Variants in PCDHGB3 observed in about 807,000 individuals in gnomAD.
The protein encoded by PCDHGB3 is protocadherin gamma-B3.
Under a neutral mutation model 59.2 loss-of-function variants are expected in PCDHGB3, and 40 were observed. The observed-to-expected ratio is 0.68, with a 90% CI of 0.52 to 0.88. The LOEUF (loss-of-function observed/expected upper bound fraction) is 0.88. Among genes scored for constraint, PCDHGB3 ranks in the 40% least tolerant of loss-of-function variants. The pLI is 0.00. For synonymous variants in PCDHGB3, 581 were observed against 503.6 expected, an observed-to-expected ratio of 1.15 and a Z score of -2.06; for missense variants, 1,309 against 1,187.9, an observed-to-expected ratio of 1.10 and a Z score of -1.50.
chr5:141,438,358 G>A (rs1160913890), intron 1 of PCDHGB3, among the ~76,000 whole-genome samples: 1 of 151,634 alleles, frequency 6.6e-6, no homozygotes. Context: ...TCTGTGTATT[G>A]TCATTGAGGG....
At chr5:141,399,808 C>A in intron 1 of PCDHGB3, 1 of 1,613,208 alleles carries the variant, frequency 6.2e-7, no homozygotes, top group Non-Finnish European at 8.5e-7. Flanking sequence ...GGTGCTGTAC[C>A]CCGCGCTGGG....
Position 141,476,369 on chromosome 5 carries a change from G to A in PCDHGB3, c.2416-18438G>A, listed in dbSNP as rs1178923246. 1.9e-6 allele frequency: 3 copies of A among 1,614,098 alleles called. No homozygotes were observed. The African/African-American group carries it at 4.0e-5, about 22-fold the overall frequency. ...CTTTGAGGTGAACCGGGAGACCGGA[G>A]AGATGTTTGTGAACGACCGTCTGGA... On this transcript the variant is annotated intron_variant, in intron 1 of 3. Transcript: ENST00000576222. This position sits in a 1 kb window ranked among gnomAD's most constrained non-coding sequence, Gnocchi z 7.6.
At position 141,432,952 on chromosome 5, in the gene PCDHGB3, C is replaced by G. The variant is rs2097553312; in HGVS notation, c.2415+60143C>G. ...GCCTGCTGCAGGCTTCAGGAGGCGGCTTGACAGGAGCGCCGGCGTCGCACT... is the reference window on the plus strand; with the variant it reads ...GCCTGCTGCAGGCTTCAGGAGGCGGGTTGACAGGAGCGCCGGCGTCGCACT... On this transcript the variant is annotated intron_variant, in intron 1 of 3. Transcript: ENST00000576222. The surrounding 1 kb of genome is among the most constrained non-coding windows in gnomAD (Gnocchi z 6.0). 1 of 1,614,086 alleles carries G rather than the reference C, an allele frequency of 6.2e-7. No individual in the cohort carries two copies. Among genetic ancestry groups the G allele is most frequent in the South Asian group, 1.1e-5 (1 of 91,090 alleles).
In PCDHGB3 at chr5:141,418,814, A is replaced by G. The variant is rs2096290321; in HGVS notation, c.2415+46005A>G. ...AGAAGTAGAAAGATATACGATAAACATAGAAGCAAAAGACCGAGGATCTCT... is the reference window on the plus strand; with the variant it reads ...AGAAGTAGAAAGATATACGATAAACGTAGAAGCAAAAGACCGAGGATCTCT... On this transcript the variant is annotated intron_variant, in intron 1 of 3. Transcript: ENST00000576222. The G allele has an allele frequency of 6.2e-7, 1 of 1,613,962 alleles. No individual in the cohort carries two copies.
At chr5:141,492,553 G>A (rs1184580300) in intron 1 of PCDHGB3, among the ~76,000 whole-genome samples, 1 of 152,148 alleles carries the variant, frequency 6.6e-6, no homozygotes, top group Non-Finnish European at 1.5e-5. Flanking sequence ...CGGGTCGCCT[G>A]GGGGGCGGCC....
intron 1 of PCDHGB3, chr5:141,404,569 C>T (rs887708182): frequency 6.2e-7 from 1 of 1,613,608 alleles, no homozygotes; most frequent in African/African-American, 1.3e-5. Context: ...ACAGTGGAAG[C>T]CCACCACTTA....
chr5:141,403,945 A>G (rs745421734), intron 1 of PCDHGB3: 48 of 1,613,810 alleles, frequency 3.0e-5, no homozygotes, highest in Non-Finnish European at 3.9e-5. Context: ...AAGGGTGGAC[A>G]AAAGTGCTCA....
At chr5:141,433,056 G>A (rs1422450948) in intron 1 of PCDHGB3, 1 of 1,614,204 alleles carries the variant, frequency 6.2e-7, no homozygotes, top group South Asian at 1.1e-5. Context: ...TCGCGGAAGA[G>A]TCACCTGATC....
intron 3 of PCDHGB3, among the ~76,000 whole-genome samples, chr5:141,510,584 C>T (rs2099881791): frequency 1.3e-5 from 2 of 152,184 alleles, no homozygotes. Flanking sequence ...TTTTACGTAC[C>T]TGACATACAT....
At chr5:141,429,735 T>C (rs911956546) in intron 1 of PCDHGB3, among the ~76,000 whole-genome samples, 1 of 152,202 alleles carries the variant, frequency 6.6e-6, no homozygotes. Flanking sequence ...ACGTAGCCAG[T>C]TATTTCTTAG....
chr5:141,397,047 G>A (rs180929307), intron 1 of PCDHGB3, among the ~76,000 whole-genome samples: 130 of 152,158 alleles, frequency 8.5e-4, no homozygotes, highest in African/African-American at 2.9e-3. Context: ...TTATGTAAAT[G>A]AACTTATGAG....
chr5:141,419,316 G>C (rs775328616), intron 1 of PCDHGB3: 2 of 1,613,876 alleles, frequency 1.2e-6, no homozygotes, highest in African/African-American at 1.3e-5. Flanking sequence ...CTCAACGGCC[G>C]TGTCTCCTAC....
chr5:141,431,227 C>G lies in PCDHGB3; in HGVS notation c.2415+58418C>G. ...CTGAGATGCGGTTCCCTCTACCCCA[C>G]GCCTGGGATCCGGATATCGGGAAGA... On this transcript the variant is annotated intron_variant, in intron 1 of 3. Coordinates refer to ENST00000576222, the MANE Select transcript of PCDHGB3 (RefSeq NM_018924.5). This position sits in a 1 kb window ranked among gnomAD's most constrained non-coding sequence, Gnocchi z 4.8. 6.2e-7 allele frequency: 1 copy of G among 1,614,180 alleles called. No individual in the cohort carries two copies. Among genetic ancestry groups the G allele is most frequent in the Non-Finnish European group, 8.5e-7 (1 of 1,180,042 alleles).
intron 1 of PCDHGB3, among the ~76,000 whole-genome samples, chr5:141,468,064 C>T (rs1026571562): frequency 3.3e-5 from 5 of 152,076 alleles, no homozygotes; most frequent in Non-Finnish European, 7.4e-5. Flanking sequence ...GTGGCTCACA[C>T]CTGTAATCCC....
chr5:141,487,452 T>A lies in PCDHGB3; in HGVS notation c.2416-7355T>A, dbSNP rs778695562. 40 of 1,614,046 alleles carry A rather than the reference T, an allele frequency of 2.5e-5. No homozygotes were observed. The highest frequency in any genetic ancestry group is 3.4e-5 in the Non-Finnish European group (40 of 1,180,004). On this transcript the variant is annotated intron_variant, in intron 1 of 3. Coordinates refer to ENST00000576222, the MANE Select transcript of PCDHGB3 (RefSeq NM_018924.5). This position sits in a 1 kb window ranked among gnomAD's most constrained non-coding sequence, Gnocchi z 5.0. ...ATCCAGCTAGGGTCAGATGACCCTA[T>A]CAAGTTTGTTGATGTGGGAGGCCAC... is the stretch of plus-strand genomic sequence containing the variant.
intron 1 of PCDHGB3, among the ~76,000 whole-genome samples, chr5:141,448,043 G>A (rs1000669754): frequency 3.3e-5 from 5 of 151,870 alleles, no homozygotes; most frequent in African/African-American, 1.2e-4. Context: ...CCAAGATCAT[G>A]CCATTGCTCT....
At chr5:141,429,169 T>TACACACACACACACACAC (rs10667977) in intron 1 of PCDHGB3, 2 of 145,394 alleles carry the variant, frequency 1.4e-5, no homozygotes, top group African/African-American at 5.1e-5. Flanking sequence ...ACATTGTTTA[T>TACACACACACACACACAC]ACACACACAC....
intron 1 of PCDHGB3, chr5:141,403,191 G>A (rs368387997): frequency 1.1e-5 from 18 of 1,613,876 alleles, no homozygotes; most frequent in Non-Finnish European, 1.4e-5. Context: ...CTGAACCCGC[G>A]CAGCGGCACC....
intron 1 of PCDHGB3, chr5:141,430,655 G>T (rs1309165721): frequency 1.6e-5 from 17 of 1,084,938 alleles, no homozygotes; most frequent in Non-Finnish European, 2.2e-5. Flanking sequence ...TGGAAACAAC[G>T]GAGGAGCTCT....
Sources: allele counts gnomAD v4.1 joint callset (sites outside exome capture counted in the v4.1 genomes callset), GRCh38; gene constraint gnomAD v4.1.1; non-coding constraint Gnocchi (gnomAD v3.1); transcripts MANE v1.5; gene names NCBI Gene and HGNC (gene_info 2026-07-23, HGNC 2026-07-21).